Variants in CRYBG1 observed in about 807,000 individuals in gnomAD.
CRYBG1 encodes the protein beta/gamma crystallin domain-containing protein 1.
A neutral mutation model predicts 189.2 loss-of-function variants in CRYBG1; 139 were observed. That is an observed-to-expected ratio of 0.73 (90% confidence interval 0.64 to 0.85). The LOEUF (loss-of-function observed/expected upper bound fraction) is 0.85. Ranked by LOEUF, CRYBG1 falls within the 40% of genes least tolerant of loss-of-function variation. The pLI is 0.00. For synonymous variants in CRYBG1, 1,023 were observed against 1,017.1 expected, an observed-to-expected ratio of 1.01 and a Z score of -0.11; for missense variants, 2,611 against 2,675.8, an observed-to-expected ratio of 0.98 and a Z score of 0.53.
chr6:106,538,122 A>G (rs1465698353), intron 8 of CRYBG1, among the ~76,000 whole-genome samples: 1 of 151,724 alleles, frequency 6.6e-6, no homozygotes, highest in East Asian at 1.9e-4. Flanking sequence ...AACTAACCGA[A>G]TTGATGAGTG....
At chr6:106,553,150 T>G (rs550489424) in intron 15 of CRYBG1, among the ~76,000 whole-genome samples, 1 of 152,332 alleles carries the variant, frequency 6.6e-6, no homozygotes, top group Admixed American at 6.5e-5. Context: ...GAACAATGAT[T>G]TCTGACCACA....
At chr6:106,391,958 TGTGTGTGTGTGTGC>T (rs760611112) in intron 1 of CRYBG1, among the ~76,000 whole-genome samples, 3,544 of 65,020 alleles carry the variant, frequency 0.055, 76 homozygotes, top group African/African-American at 0.13. Flanking sequence ...TGTGTGTGTG[TGTGTGTGTGTGTGC>T]GTGCGCGTTT....
chr6:106,571,070 C>A lies in CRYBG1; in HGVS notation c.*2504C>A, dbSNP rs1367044447. ...AGCTTTGGGCTCCATTGGAAGGCTG[C>A]AATTTCCATGGAAAAGCCCTCAGAG... On this transcript the variant is annotated 3_prime_UTR_variant, in exon 22 of 22. Transcript: ENST00000633556. 1 of 152,170 alleles carries A rather than the reference C, an allele frequency of 6.6e-6. No individual in the cohort carries two copies. The highest frequency in any genetic ancestry group is 1.9e-4 in the East Asian group (1 of 5,198). The allele number at this position is 152,170 out of a possible 1,614,324, so 9.4% of individuals were successfully genotyped here. A position where few individuals can be genotyped will look rare whatever the true frequency, so the allele number is the denominator to read the frequency against.
In CRYBG1 at chr6:106,491,969, T is replaced by G. The variant is rs371034355; in HGVS notation, c.313-19461T>G. On this transcript the variant is annotated intron_variant, in intron 2 of 21. Coordinates refer to ENST00000633556, the MANE Select transcript of CRYBG1 (RefSeq NM_001371242.2). ...ACTCCAGTTCGACCCCTGTGCCTGG[T>G]GTCATTTGGTTGCCTTTCCTCAGTC... Among the ~76,000 whole-genome samples, 4 of 152,282 alleles carry G rather than the reference T, an allele frequency of 2.6e-5. No individual in the cohort carries two copies. In the East Asian group the frequency reaches 5.8e-4, roughly 22 times the overall value.
At chr6:106,471,541 T>C (rs918765484) in intron 2 of CRYBG1, among the ~76,000 whole-genome samples, 3 of 152,158 alleles carry the variant, frequency 2.0e-5, no homozygotes, top group Non-Finnish European at 4.4e-5. Flanking sequence ...GGTAAAGAAG[T>C]GGCTGGGGAT....
chr6:106,447,742 C>A (rs62420833), intron 1 of CRYBG1, among the ~76,000 whole-genome samples: 31,072 of 151,808 alleles, frequency 0.2, 3,375 homozygotes, highest in Middle Eastern at 0.31. Flanking sequence ...AACCATTATT[C>A]GGAATTGAAA....
intron 1 of CRYBG1, 22 bp from the exon 2 acceptor site, chr6:106,451,672 A>G: frequency 2.6e-6 from 4 of 1,527,800 alleles, no homozygotes; most frequent in Non-Finnish European, 3.5e-6. Flanking sequence ...TATTGACATG[A>G]CTGTGGTTCC....
intron 1 of CRYBG1, among the ~76,000 whole-genome samples, chr6:106,451,177 T>G (rs952442467): frequency 6.6e-6 from 1 of 152,226 alleles, no homozygotes; most frequent in Non-Finnish European, 1.5e-5. Flanking sequence ...TAAAACATTC[T>G]TTCTGCCTTT....
At chr6:106,559,321 AT>A (rs888783761) in intron 18 of CRYBG1, among the ~76,000 whole-genome samples, 1 of 152,172 alleles carries the variant, frequency 6.6e-6, no homozygotes, top group African/African-American at 2.4e-5. Flanking sequence ...ACTTGGAAAG[AT>A]TTTTTTCCCC....
At chr6:106,419,307 G>T (rs1432524160) in intron 1 of CRYBG1, among the ~76,000 whole-genome samples, 1 of 152,150 alleles carries the variant, frequency 6.6e-6, no homozygotes, top group East Asian at 1.9e-4. Context: ...CTTACTAACT[G>T]CCTAACTTCT....
chr6:106,481,706 G>A (rs1447447758), intron 2 of CRYBG1, among the ~76,000 whole-genome samples: 1 of 152,250 alleles, frequency 6.6e-6, no homozygotes, highest in Non-Finnish European at 1.5e-5. Context: ...AAAAAGGGAG[G>A]GAAATGAGGC....
chr6:106,380,451 G>A (rs942903890), intron 1 of CRYBG1, among the ~76,000 whole-genome samples: 1 of 152,134 alleles, frequency 6.6e-6, no homozygotes, highest in African/African-American at 2.4e-5. Flanking sequence ...TGATGGACTA[G>A]CCACCTAAAT....
At chr6:106,416,999 CTTTTTTTT>C (rs71663353) in intron 1 of CRYBG1, among the ~76,000 whole-genome samples, 4 of 69,498 alleles carry the variant, frequency 5.8e-5, no homozygotes, top group South Asian at 5.9e-4. Flanking sequence ...ATGGGATTTA[CTTTTTTTT>C]TTTTTTTTTT....
At chr6:106,536,357 C>T (rs1468305475) in intron 8 of CRYBG1, among the ~76,000 whole-genome samples, 2 of 152,206 alleles carry the variant, frequency 1.3e-5, no homozygotes, top group Non-Finnish European at 2.9e-5. Context: ...TAAAGTGGTG[C>T]CTCCTCCATC....
rs554935601 is a variant in CRYBG1, at chr6:106,399,642, T to C, written c.173+38561T>C. Among the ~76,000 whole-genome samples, 4 of 145,176 alleles carry C rather than the reference T, an allele frequency of 2.8e-5. No homozygotes were observed. The East Asian group carries it at 8.5e-4, about 31-fold the overall frequency. Reference sequence around the variant, plus strand: ...GTCTGGGTTTTCCGATCGGTCCTTTTTTTTAGTTTTTCTTTCTTTTTTTTT... The same window carrying C: ...GTCTGGGTTTTCCGATCGGTCCTTTCTTTTAGTTTTTCTTTCTTTTTTTTT... On this transcript the variant is annotated intron_variant, in intron 1 of 21. Coordinates refer to ENST00000633556, the MANE Select transcript of CRYBG1 (RefSeq NM_001371242.2).
intron 1 of CRYBG1, among the ~76,000 whole-genome samples, chr6:106,372,292 C>G (rs139450941): frequency 6.2e-4 from 95 of 152,052 alleles, no homozygotes; most frequent in African/African-American, 2.2e-3. Flanking sequence ...TCTCCAGTTG[C>G]TCAGGCTGGA....
At position 106,519,307 on chromosome 6, in the gene CRYBG1, G is replaced by C; in HGVS notation, c.2099G>C (p.Gly700Ala). 1 of 1,614,046 alleles carries C rather than the reference G, an allele frequency of 6.2e-7. No homozygotes were observed. The highest frequency in any genetic ancestry group is 1.7e-5 in the Admixed American group (1 of 60,002). The change falls in exon 4 of 22, where the codon GGC becomes GCC. Residue 700 changes from glycine to alanine, a missense_variant. By Grantham distance (60) the Gly-to-Ala change is moderately conservative. Coordinates refer to ENST00000633556, the MANE Select transcript of CRYBG1 (RefSeq NM_001371242.2). ...NSSPRHTDIR[G>A]QRNTPASSKT... is the part of the protein sequence containing the mutation. The stretch of plus-strand genomic sequence containing the variant: ...AGCCCAAGACACACTGACATTCGAG[G>C]CCAAAGGAATACTCCTGCCTCTAGT...
intron 4 of CRYBG1, among the ~76,000 whole-genome samples, chr6:106,521,877 C>T (rs1773620554): frequency 6.6e-6 from 1 of 151,820 alleles, no homozygotes; most frequent in African/African-American, 2.4e-5. Context: ...TGCCACCACG[C>T]CTGGCTAATT....
chr6:106,366,573 T>C (rs1772004081), intron 1 of CRYBG1, among the ~76,000 whole-genome samples: 1 of 152,228 alleles, frequency 6.6e-6, no homozygotes, highest in African/African-American at 2.4e-5. Flanking sequence ...CATGCCACAG[T>C]CAAAGGATAG....
Sources: gnomAD v4.1 joint callset for allele counts (sites outside exome capture counted in the v4.1 genomes callset) on GRCh38, gnomAD v4.1.1 for gene constraint, MANE v1.5 for transcripts, NCBI Gene and HGNC (gene_info 2026-07-23, HGNC 2026-07-21) for gene names.